LSMEM2: variants seen among roughly 807,000 people sequenced by gnomAD.
The protein encoded by LSMEM2 is leucine-rich single-pass membrane protein 2.
A neutral mutation model predicts 17.3 loss-of-function variants in LSMEM2; 20 were observed. The ratio of observed to expected loss-of-function variants is 1.16; its 90% CI spans 0.81 to 1.68. The LOEUF (loss-of-function observed/expected upper bound fraction) is 1.68, where lower values mean the gene tolerates loss of function less well. Ranked by LOEUF, LSMEM2 falls within the 40% of genes most tolerant of loss-of-function variation. The probability of loss-of-function intolerance (pLI) is 0.00; values close to 1 mark genes in which losing one functional copy is unlikely to be tolerated. For synonymous variants in LSMEM2, 94 were observed against 97.8 expected (o/e 0.96, Z 0.23); for missense variants, 207 against 214.3 (o/e 0.97, Z 0.21).
At chr3:50,278,609 C>A (rs954947168), upstream of LSMEM2, among the ~76,000 whole-genome samples, 3 of 152,144 alleles carry the variant, frequency 2.0e-5, no homozygotes, top group African/African-American at 7.2e-5. Context: ...GCTATCAGAG[C>A]CCTCATGGCA....
Position 50,286,485 on chromosome 3 carries a change from A to G in LSMEM2, c.73A>G (p.Met25Val), listed in dbSNP as rs782671009. ...EETQEDSVAP[M>V]MPSQRSRGPL... is the part of the protein sequence containing the mutation. ...TGCCCCTGCAGACTCCGTGGCGCCA[A>G]TGATGCCCAGCCAGAGGAGCAGGGG... Residue 25 changes from methionine (M) to valine (V), a missense_variant, in exon 2 of 4, where the codon ATG (methionine) becomes GTG (valine). Transcript: ENST00000316436. 71 of 1,606,562 alleles carry G rather than the reference A, an allele frequency of 4.4e-5. No homozygotes were observed. The highest frequency in any genetic ancestry group is 1.9e-4 in the Admixed American group (11 of 59,024).
At chr3:50,285,260 G>A (rs981649026) in intron 1 of LSMEM2, among the ~76,000 whole-genome samples, 13 of 151,224 alleles carry the variant, frequency 8.6e-5, no homozygotes, top group Admixed American at 1.3e-4. Flanking sequence ...GAACCCGGGA[G>A]GCAGAGGTTG....
intron 3 of LSMEM2, 75 bp from the exon 4 acceptor site, chr3:50,286,994 C>A: frequency 1.3e-6 from 2 of 1,598,594 alleles, no homozygotes; most frequent in Non-Finnish European, 1.7e-6. Context: ...CCGTGGCTGC[C>A]CCTGGTCCTG....
At chr3:50,283,402 C>T (rs782721261) in intron 1 of LSMEM2, among the ~76,000 whole-genome samples, 5 of 151,848 alleles carry the variant, frequency 3.3e-5, no homozygotes, top group South Asian at 2.1e-4. Flanking sequence ...CTGAGGCAGA[C>T]GGATCACAAG....
At position 50,281,028 on chromosome 3, in the gene LSMEM2, A is replaced by G. The variant is rs587735810; in HGVS notation, c.58+1857A>G. 2.6e-5 allele frequency among the ~76,000 whole-genome samples: 4 copies of G among 152,014 alleles called. No individual in the cohort carries two copies. The East Asian group carries it at 7.8e-4, about 30-fold the overall frequency. On this transcript the variant is annotated intron_variant, in intron 1 of 3. Transcript: ENST00000316436. ...ATTCACATTCAATTTAGAAAGTGTG[A>G]GAAAAGCACAACAAAGTACAAAGAG...
intron 1 of LSMEM2, among the ~76,000 whole-genome samples, chr3:50,285,914 A>G (rs908399769): frequency 6.6e-6 from 1 of 152,202 alleles, no homozygotes; most frequent in Non-Finnish European, 1.5e-5. Flanking sequence ...GTGTGAAGGG[A>G]GAGACCTCAG....
chr3:50,281,359 CCT>C (rs1491531791), intron 1 of LSMEM2, among the ~76,000 whole-genome samples: 1 of 116,858 alleles, frequency 8.6e-6, no homozygotes, highest in Non-Finnish European at 1.8e-5. Flanking sequence ...TGCGCCCGGC[CCT>C]TTTTTTTTTT....
At position 50,286,799 on chromosome 3, in the gene LSMEM2, C is replaced by A. The variant is rs782375110; in HGVS notation, c.298C>A (p.Leu100Met). 6.2e-7 allele frequency: 1 copy of A among 1,614,146 alleles called. No individual in the cohort carries two copies. The highest frequency in any genetic ancestry group is 2.2e-5 in the East Asian group (1 of 44,890). Residue 100 changes from leucine (L) to methionine (M), a missense_variant, in exon 3 of 4, where the codon CTG becomes ATG. Leu to Met is a conservative substitution (Grantham distance 15). Coordinates refer to ENST00000316436, the MANE Select transcript of LSMEM2 (RefSeq NM_153215.3). ...SPVYRRGGFL[L>M]LLALLVLTCL... ...TGTGTACAGACGAGGAGGGTTCCTG[C>A]TGCTGCTCGCGCTGCTGGTGCTCAC...
chr3:50,279,092 A>G lies in LSMEM2; in HGVS notation c.-22A>G. ...GGGCTCACAAAGGAGCCACTGCTGC[A>G]TTTGTCCAGTCCTGCTACTGGATGC... On this transcript the variant is annotated 5_prime_UTR_variant, in exon 1 of 4. Transcript: ENST00000316436. 2 of 1,613,932 alleles carry G rather than the reference A, an allele frequency of 1.2e-6. No individual in the cohort carries two copies. The highest frequency in any genetic ancestry group is 1.1e-5 in the South Asian group (1 of 91,072).
chr3:50,282,695 G>A (rs782304391), intron 1 of LSMEM2, among the ~76,000 whole-genome samples: 2 of 151,944 alleles, frequency 1.3e-5, no homozygotes, highest in Non-Finnish European at 2.9e-5. Context: ...GACCAGCGTG[G>A]CCAAAATGGT....
upstream of LSMEM2, among the ~76,000 whole-genome samples, chr3:50,277,923 C>T (rs1280532848): frequency 2.0e-5 from 3 of 152,152 alleles, no homozygotes; most frequent in African/African-American, 7.2e-5. Context: ...GCCGAGATCG[C>T]CCCACTGCAC....
At chr3:50,283,344 T>C (rs1701441345) in intron 1 of LSMEM2, among the ~76,000 whole-genome samples, 1 of 150,938 alleles carries the variant, frequency 6.6e-6, no homozygotes, top group Admixed American at 6.6e-5. Flanking sequence ...AATACAAAAA[T>C]TGGCCGGGCG....
intron 1 of LSMEM2, among the ~76,000 whole-genome samples, chr3:50,281,659 G>A (rs1400869234): frequency 2.7e-5 from 4 of 150,612 alleles, no homozygotes; most frequent in Non-Finnish European, 5.9e-5. Flanking sequence ...CACTGCGCCC[G>A]GCAGCAGGGA....
At position 50,279,319 on chromosome 3, in the gene LSMEM2, C is replaced by T. The variant is rs1575479982; in HGVS notation, c.58+148C>T. 9.5e-6 allele frequency: 7 copies of T among 740,280 alleles called. No individual in the cohort carries two copies. In the East Asian group the frequency reaches 1.9e-4, roughly 20 times the overall value. The allele number at this position is 740,280 out of a possible 1,614,324, so 45.9% of individuals were successfully genotyped here. A position where few individuals can be genotyped will look rare whatever the true frequency, so the allele number is the denominator to read the frequency against. ...GCTCCAGCTCCAGTAAAAGGACCTG[C>T]CCCCTGTGCAGGGAGGAAAAGCCTG... On this transcript the variant is annotated intron_variant, in intron 1 of 3. Coordinates refer to ENST00000316436, the MANE Select transcript of LSMEM2 (RefSeq NM_153215.3).
At chr3:50,281,655 G>A (rs1219941880) in intron 1 of LSMEM2, among the ~76,000 whole-genome samples, 8 of 149,998 alleles carry the variant, frequency 5.3e-5, no homozygotes, top group South Asian at 2.1e-4. Flanking sequence ...GAGCCACTGC[G>A]CCCGGCAGCA....
At chr3:50,284,377 A>G (rs1701469737) in intron 1 of LSMEM2, among the ~76,000 whole-genome samples, 1 of 151,974 alleles carries the variant, frequency 6.6e-6, no homozygotes. Flanking sequence ...TGGTGGCAAT[A>G]TTATACCCTG....
upstream of LSMEM2, chr3:50,279,074 C>T (rs782049663): frequency 1.2e-6 from 2 of 1,609,546 alleles, no homozygotes; most frequent in East Asian, 2.2e-5. Flanking sequence ...CCTGGGCTCA[C>T]AAAGGAGCCA....
At chr3:50,279,058 G>T, upstream of LSMEM2, 1 of 1,591,452 alleles carries the variant, frequency 6.3e-7, no homozygotes, top group Non-Finnish European at 8.6e-7. Context: ...AGGCAGCCAG[G>T]CCTTCCCTGG....
upstream of LSMEM2, chr3:50,278,921 C>T: frequency 3.3e-6 from 2 of 606,912 alleles, no homozygotes; most frequent in South Asian, 2.0e-5. Context: ...CTGGCTGGCT[C>T]CCTCACCAGG....
Sources: gnomAD v4.1 joint callset for allele counts (sites outside exome capture counted in the v4.1 genomes callset) on GRCh38, gnomAD v4.1.1 for gene constraint, MANE v1.5 for transcripts, NCBI Gene and HGNC (gene_info 2026-07-23, HGNC 2026-07-21) for gene names.